The following CMIP variants were observed in gnomAD, a reference collection of about 807,000 sequenced individuals.
CMIP encodes c-Maf inducing protein.
A neutral mutation model predicts 97.3 loss-of-function variants in CMIP; 13 were observed. The ratio of observed to expected loss-of-function variants is 0.13; its 90% CI spans 0.09 to 0.21. CMIP has a LOEUF of 0.21. Ranked by LOEUF, CMIP falls within the 10% of genes least tolerant of loss-of-function variation. CMIP has a pLI of 1.00. For missense variants in CMIP, 847 were observed against 1,024.9 expected (o/e 0.83, Z 2.37); for synonymous variants, 538 against 436.3 (o/e 1.23, Z -2.91).
chr16:81,591,909 C>G (rs1397693839), intron 1 of CMIP, among the ~76,000 whole-genome samples: 1 of 151,678 alleles, frequency 6.6e-6, no homozygotes, highest in Non-Finnish European at 1.5e-5. Flanking sequence ...ACTGCACCCT[C>G]CACCTCCCAG....
chr16:81,581,777 G>T (rs74031205), intron 1 of CMIP, among the ~76,000 whole-genome samples: 11,547 of 152,238 alleles, frequency 0.076, 956 homozygotes, highest in African/African-American at 0.2. Context: ...GACAGCTCTG[G>T]GGTGGCAGAG....
At chr16:81,642,079 C>T (rs1380841235) in intron 3 of CMIP, among the ~76,000 whole-genome samples, 1 of 152,260 alleles carries the variant, frequency 6.6e-6, no homozygotes, top group African/African-American at 2.4e-5. Flanking sequence ...AGGACCTGGC[C>T]TATGGAGTGC....
intron 1 of CMIP, among the ~76,000 whole-genome samples, chr16:81,581,839 C>G (rs1567592582): frequency 6.6e-6 from 1 of 152,196 alleles, no homozygotes; most frequent in African/African-American, 2.4e-5. Flanking sequence ...AGTCCCTGCT[C>G]TTTTCCTTCT....
chr16:81,488,400 G>C (rs2089353407), intron 1 of CMIP, among the ~76,000 whole-genome samples: 2 of 152,190 alleles, frequency 1.3e-5, no homozygotes, highest in African/African-American at 2.4e-5. Flanking sequence ...CTGGGTTGCA[G>C]GGAGGATTAA....
At chr16:81,607,299 A>G (rs1028401905) in intron 1 of CMIP, among the ~76,000 whole-genome samples, 1 of 152,230 alleles carries the variant, frequency 6.6e-6, no homozygotes, top group African/African-American at 2.4e-5. Flanking sequence ...GCAGTCCCTC[A>G]GTTCTTGCCC....
intron 1 of CMIP, among the ~76,000 whole-genome samples, chr16:81,586,945 G>C (rs550845427): frequency 2.6e-5 from 4 of 152,266 alleles, no homozygotes; most frequent in African/African-American, 9.6e-5. Flanking sequence ...TTCAAATCTG[G>C]GGTGTTCCGG....
intron 1 of CMIP, among the ~76,000 whole-genome samples, chr16:81,533,077 A>C (rs144236029): frequency 2.3e-4 from 35 of 152,180 alleles, no homozygotes; most frequent in South Asian, 6.2e-4. Flanking sequence ...CATTCCATCC[A>C]TCCAAAAAGT....
chr16:81,606,681 C>G (rs1302408639), intron 1 of CMIP, among the ~76,000 whole-genome samples: 3 of 152,160 alleles, frequency 2.0e-5, no homozygotes. Flanking sequence ...TAGGCCCTGA[C>G]TTCATGGAGC....
intron 10 of CMIP, among the ~76,000 whole-genome samples, chr16:81,687,368 T>A (rs148021317): frequency 3.3e-5 from 5 of 152,276 alleles, no homozygotes; most frequent in Non-Finnish European, 5.9e-5. Flanking sequence ...CACCCCTCAC[T>A]TTATGTGTCA....
chr16:81,590,618 G>T (rs760898722), intron 1 of CMIP, among the ~76,000 whole-genome samples: 1 of 152,224 alleles, frequency 6.6e-6, no homozygotes, highest in Non-Finnish European at 1.5e-5. Context: ...CTTGTCTGAT[G>T]CTTCCATAGA....
chr16:81,600,786 G>A (rs922094231), intron 1 of CMIP, among the ~76,000 whole-genome samples: 27 of 152,192 alleles, frequency 1.8e-4, no homozygotes, highest in Non-Finnish European at 3.2e-4. Context: ...AGGGGAGGTG[G>A]GGACTGAAGC....
chr16:81,662,186 T>C (rs936395336), intron 6 of CMIP, among the ~76,000 whole-genome samples: 1 of 152,200 alleles, frequency 6.6e-6, no homozygotes, highest in Non-Finnish European at 1.5e-5. Context: ...CTCCATCTCC[T>C]GTCCAATTTA....
intron 2 of CMIP, among the ~76,000 whole-genome samples, chr16:81,608,580 G>A (rs2091781357): frequency 6.6e-6 from 1 of 151,738 alleles, no homozygotes; most frequent in African/African-American, 2.4e-5. Flanking sequence ...TCACTCCCCC[G>A]GATTACCCGC....
intron 1 of CMIP, among the ~76,000 whole-genome samples, chr16:81,504,912 A>G (rs980697334): frequency 5.9e-5 from 9 of 152,258 alleles, no homozygotes; most frequent in African/African-American, 2.2e-4. Context: ...GAAAGAAAAT[A>G]AAAATGGGTC....
intron 1 of CMIP, among the ~76,000 whole-genome samples, chr16:81,591,921 C>T (rs1357151660): frequency 3.3e-5 from 5 of 151,588 alleles, no homozygotes; most frequent in African/African-American, 1.2e-4. Flanking sequence ...ACCTCCCAGG[C>T]TCAAGTATCC....
chr16:81,621,088 C>T lies in CMIP; in HGVS notation c.477+162C>T. 1.4e-6 allele frequency: 1 copy of T among 727,628 alleles called. No individual in the cohort carries two copies. Among genetic ancestry groups the T allele is most frequent in the Non-Finnish European group, 2.3e-6 (1 of 443,670 alleles). 45.1% of individuals were successfully genotyped at this position (727,628 alleles called of 1,614,324 possible). On this transcript the variant is annotated intron_variant, in intron 3 of 20. Transcript: ENST00000537098. The surrounding 1 kb of genome is among the most constrained non-coding windows in gnomAD (Gnocchi z 4.1). ...TACCTAAGAGCCCCTGGCCCTTCGT[C>T]CTCTGCTGTTCAATTCCTGTCCCCT...
chr16:81,570,054 C>G (rs2091057208), intron 1 of CMIP, among the ~76,000 whole-genome samples: 1 of 152,192 alleles, frequency 6.6e-6, no homozygotes, highest in Non-Finnish European at 1.5e-5. Flanking sequence ...CTAGAATCTT[C>G]CTTTTCCCTC....
chr16:81,512,616 T>C (rs1317325145), intron 1 of CMIP, among the ~76,000 whole-genome samples: 1 of 152,214 alleles, frequency 6.6e-6, no homozygotes, highest in East Asian at 1.9e-4. Flanking sequence ...AATAAACTGA[T>C]TTTGTAGCAT....
Position 81,474,472 on chromosome 16 carries a change from C to T in CMIP, c.300+28931C>T, listed in dbSNP as rs75434159. 1.8e-4 allele frequency among the ~76,000 whole-genome samples: 28 copies of T among 152,286 alleles called. 1 individual carries two copies. In the East Asian group the frequency reaches 5.0e-3, roughly 27 times the overall value. The stretch of plus-strand genomic sequence containing the variant: ...GTAGGCACGTCGCACACTACTTCTG[C>T]TTCATGTGAGGGGTTCATGGTGGCT... On this transcript the variant is annotated intron_variant, in intron 1 of 20. Transcript: ENST00000537098.
Sources: allele counts gnomAD v4.1 joint callset (sites outside exome capture counted in the v4.1 genomes callset), GRCh38; gene constraint gnomAD v4.1.1; non-coding constraint Gnocchi (gnomAD v3.1); transcripts MANE v1.5; gene names NCBI Gene and HGNC (gene_info 2026-07-23, HGNC 2026-07-21).